ELMO1: variants seen among roughly 807,000 people sequenced by gnomAD.
ELMO1 encodes engulfment and cell motility 1.
Under a neutral mutation model 98.9 loss-of-function variants are expected in ELMO1, and 26 were observed. That is an observed-to-expected ratio of 0.26 (90% confidence interval 0.19 to 0.36). The LOEUF is 0.36. ELMO1 is among the 10% of genes least tolerant of loss of function. The pLI is 1.00. For synonymous variants in ELMO1, 346 were observed against 346.0 expected (o/e 1.00, Z 0.00); for missense variants, 627 against 935.2 (o/e 0.67, Z 4.30).
chr7:37,285,024 C>G (rs935191396), intron 4 of ELMO1, among the ~76,000 whole-genome samples: 3 of 152,330 alleles, frequency 2.0e-5, no homozygotes, highest in Middle Eastern at 3.4e-3. Context: ...CCAGGGACTG[C>G]TTCAAAGCAG....
intron 15 of ELMO1, among the ~76,000 whole-genome samples, chr7:37,092,619 C>A (rs971853504): frequency 2.6e-5 from 4 of 152,056 alleles, no homozygotes; most frequent in Non-Finnish European, 4.4e-5. Flanking sequence ...TTGTGATCAG[C>A]CCACCTTGGC....
intron 1 of ELMO1, among the ~76,000 whole-genome samples, chr7:37,445,128 A>G (rs183109089): frequency 5.9e-5 from 9 of 152,338 alleles, no homozygotes; most frequent in Non-Finnish European, 1.2e-4. Flanking sequence ...TTCACATTTT[A>G]AACTGCTGGT....
intron 3 of ELMO1, 82 bp downstream of exon 3, chr7:37,315,836 ATT>A: frequency 7.9e-7 from 1 of 1,257,924 alleles, no homozygotes; most frequent in South Asian, 1.3e-5. Flanking sequence ...TATGAATAAT[ATT>A]TTACTATCCT....
At chr7:36,866,621 A>G (rs1803050559) in intron 20 of ELMO1, among the ~76,000 whole-genome samples, 1 of 152,230 alleles carries the variant, frequency 6.6e-6, no homozygotes, top group Non-Finnish European at 1.5e-5. Context: ...TGCCATTAAC[A>G]AAGTATCTCT....
intron 16 of ELMO1, among the ~76,000 whole-genome samples, chr7:36,916,263 C>G (rs758303134): frequency 3.3e-5 from 5 of 152,154 alleles, no homozygotes; most frequent in African/African-American, 1.2e-4. Flanking sequence ...CATCTTTGCA[C>G]GAGCAGGGAG....
chr7:37,119,289 A>C (rs1419567515), intron 14 of ELMO1, among the ~76,000 whole-genome samples: 1 of 152,222 alleles, frequency 6.6e-6, no homozygotes, highest in African/African-American at 2.4e-5. Context: ...AAAGGGCATA[A>C]GGTTTCTTTA....
chr7:37,012,747 C>T (rs7789128), intron 16 of ELMO1, among the ~76,000 whole-genome samples: 109 of 152,258 alleles, frequency 7.2e-4, no homozygotes, highest in African/African-American at 2.5e-3. Flanking sequence ...TTACTGTAAA[C>T]CAAGAAATGT....
chr7:37,308,580 G>C (rs973638346), intron 4 of ELMO1, among the ~76,000 whole-genome samples: 2 of 152,154 alleles, frequency 1.3e-5, no homozygotes, highest in African/African-American at 4.8e-5. Flanking sequence ...CACTGTAACT[G>C]GTTAATTTCA....
intron 16 of ELMO1, among the ~76,000 whole-genome samples, chr7:37,011,090 T>A (rs1161348957): frequency 6.6e-6 from 1 of 152,200 alleles, no homozygotes; most frequent in Non-Finnish European, 1.5e-5. Flanking sequence ...TAGTCTATGA[T>A]CTGTAAACAA....
chr7:37,440,775 A>AT (rs1805383836), intron 1 of ELMO1, among the ~76,000 whole-genome samples: 1 of 151,654 alleles, frequency 6.6e-6, no homozygotes, highest in Non-Finnish European at 1.5e-5. Flanking sequence ...TCTCAAAAAA[A>AT]AAAAAAAATC....
At chr7:37,426,144 T>TTC (rs1443458647) in intron 1 of ELMO1, among the ~76,000 whole-genome samples, 4 of 123,414 alleles carry the variant, frequency 3.2e-5, no homozygotes, top group African/African-American at 1.3e-4. Context: ...TTTTCTTTCT[T>TTC]TTTTTTTTTT....
At chr7:36,899,630 C>A (rs997641016) in intron 16 of ELMO1, among the ~76,000 whole-genome samples, 2 of 140,808 alleles carry the variant, frequency 1.4e-5, no homozygotes, top group Non-Finnish European at 3.0e-5. Flanking sequence ...GGGGCTTTGA[C>A]CTTCCTTAAG....
rs1469695541 is a variant in ELMO1, at chr7:37,293,469, T to A, written c.192+21381A>T. 8.3e-5 allele frequency among the ~76,000 whole-genome samples: 8 copies of A among 96,850 alleles called. 1 individual carries two copies. The highest frequency in any genetic ancestry group is 2.5e-4 in the African/African-American group (8 of 32,408). 63.5% of individuals were successfully genotyped at this position (96,850 alleles called of 152,430 possible). A position where few individuals can be genotyped will look rare whatever the true frequency, so the allele number is the denominator to read the frequency against. On this transcript the variant is annotated intron_variant, in intron 4 of 21. Transcript: ENST00000310758. ...TGTGCTGTATCCACTCAGGGTTGAA[T>A]GGATTAAGGGCGGTGCAAGTTGTGC...
At chr7:37,189,864 A>G (rs1011859919) in intron 13 of ELMO1, among the ~76,000 whole-genome samples, 6 of 152,240 alleles carry the variant, frequency 3.9e-5, no homozygotes, top group African/African-American at 1.4e-4. Context: ...AAATACTATC[A>G]TACTACATTT....
chr7:37,366,366 T>A (rs946582151), intron 1 of ELMO1, among the ~76,000 whole-genome samples: 1 of 152,272 alleles, frequency 6.6e-6, no homozygotes, highest in Non-Finnish European at 1.5e-5. Flanking sequence ...AAACCACCCT[T>A]TCAACATGTA....
In ELMO1 at chr7:36,870,497, G is replaced by C. The variant is rs753400678; in HGVS notation, c.1823-22C>G. The C allele has an allele frequency of 9.3e-6, 15 of 1,606,924 alleles. No individual in the cohort carries two copies. Among genetic ancestry groups the C allele is most frequent in the Non-Finnish European group, 1.3e-5 (15 of 1,176,038 alleles). Reference sequence around the variant, plus strand: ...GGCACTGCAATTCATAAAAGAAAATGCAAGTAACTACACCATGTGAAAACT... The same window carrying C: ...GGCACTGCAATTCATAAAAGAAAATCCAAGTAACTACACCATGTGAAAACT... On this transcript the variant is annotated intron_variant, in intron 19 of 21. Transcript: ENST00000310758. This position sits in a 1 kb window ranked among gnomAD's most constrained non-coding sequence, Gnocchi z 4.4.
At chr7:37,369,162 T>C (rs961250036) in intron 1 of ELMO1, among the ~76,000 whole-genome samples, 13 of 152,218 alleles carry the variant, frequency 8.5e-5, no homozygotes, top group African/African-American at 2.9e-4. Context: ...TGGAGGACTT[T>C]CACTCATATG....
chr7:37,369,372 C>T (rs1255571674), intron 1 of ELMO1, among the ~76,000 whole-genome samples: 2 of 152,108 alleles, frequency 1.3e-5, no homozygotes, highest in Non-Finnish European at 2.9e-5. Flanking sequence ...CTTCCATGAG[C>T]GTTTCCTTTG....
chr7:36,979,547 C>A (rs569221550), intron 16 of ELMO1, among the ~76,000 whole-genome samples: 45 of 152,226 alleles, frequency 3.0e-4, no homozygotes, highest in African/African-American at 9.9e-4. Context: ...CATCCCTTGT[C>A]CCCCATCAAT....
Sources: gnomAD v4.1 joint callset for allele counts (sites outside exome capture counted in the v4.1 genomes callset) on GRCh38, gnomAD v4.1.1 for gene constraint, Gnocchi (gnomAD v3.1) non-coding constraint, MANE v1.5 for transcripts, NCBI Gene and HGNC (gene_info 2026-07-23, HGNC 2026-07-21) for gene names.